ODF1: variants seen among roughly 807,000 people sequenced by gnomAD.
ODF1 encodes the protein outer dense fiber protein 1.
In ODF1, 10 loss-of-function variants were observed where a neutral mutation model predicts 24.0. The ratio of observed to expected loss-of-function variants is 0.42; its 90% CI spans 0.26 to 0.71. The LOEUF is 0.71. ODF1 is among the 30% of genes least tolerant of loss of function. The pLI is 0.28. For synonymous variants in ODF1, 118 were observed against 121.3 expected, an observed-to-expected ratio of 0.97 and a Z score of 0.18; for missense variants, 282 against 307.9, an observed-to-expected ratio of 0.92 and a Z score of 0.63.
At chr8:102,558,422 C>T (rs936193234) in intron 1 of ODF1, among the ~76,000 whole-genome samples, 1 of 152,046 alleles carries the variant, frequency 6.6e-6, no homozygotes, top group Non-Finnish European at 1.5e-5. Flanking sequence ...TCACTGCACT[C>T]CAGCCTGGGC....
intron 1 of ODF1, among the ~76,000 whole-genome samples, chr8:102,557,291 G>A (rs996765911): frequency 1.3e-5 from 2 of 152,224 alleles, no homozygotes. Flanking sequence ...GACATCACCA[G>A]GCAGGAGTCA....
chr8:102,556,054 GATTA>G (rs1826107142), intron 1 of ODF1, among the ~76,000 whole-genome samples: 1 of 152,222 alleles, frequency 6.6e-6, no homozygotes, highest in Non-Finnish European at 1.5e-5. Flanking sequence ...GGTGCAGCTT[GATTA>G]AGAAGACATA....
At position 102,551,716 on chromosome 8, in the gene ODF1, G is replaced by A; in HGVS notation, c.-12G>A. On this transcript the variant is annotated 5_prime_UTR_variant, in exon 1 of 2. Transcript: ENST00000285402. ...CCCAAAGGTACTCACAGAACAATCA[G>A]GTGTGACCATAATGGCTGCACTGAG... 1 of 1,572,750 alleles carries A rather than the reference G, an allele frequency of 6.4e-7. No homozygotes were observed. The highest frequency in any genetic ancestry group is 1.7e-4 in the Middle Eastern group (1 of 5,904).
intron 1 of ODF1, among the ~76,000 whole-genome samples, chr8:102,556,017 A>T (rs1006876250): frequency 2.6e-4 from 40 of 152,248 alleles, no homozygotes; most frequent in Admixed American, 2.6e-3. Flanking sequence ...GCTTCAGATT[A>T]GGGCAAGTCC....
At position 102,560,740 on chromosome 8, in the gene ODF1, C is replaced by T. The variant is rs1465994707; in HGVS notation, c.609C>T (p.Tyr203=). ...GSCVKIESPC[Y]PCTSPCSPCS... ...GTGTCAAGATCGAGTCTCCTTGCTACCCTTGCACTTCTCCTTGCAGCCCCT... is the reference window on the plus strand; with the variant it reads ...GTGTCAAGATCGAGTCTCCTTGCTATCCTTGCACTTCTCCTTGCAGCCCCT... Residue 203 remains tyrosine (Y), a synonymous_variant, in exon 2 of 2, where the codon TAC becomes TAT. Transcript: ENST00000285402. 2 of 1,613,990 alleles carry T rather than the reference C, an allele frequency of 1.2e-6. No individual in the cohort carries two copies. Among genetic ancestry groups the T allele is most frequent in the African/African-American group, 1.3e-5 (1 of 74,916 alleles).
In ODF1 at chr8:102,551,770, A is replaced by G; in HGVS notation, c.43A>G (p.Ile15Val). The G allele has an allele frequency of 1.9e-6, 3 of 1,613,192 alleles. No homozygotes were observed. Among genetic ancestry groups the G allele is most frequent in the Non-Finnish European group, 2.5e-6 (3 of 1,179,364 alleles). The part of the protein sequence containing the change: ...SCLLDSVRRD[I>V]KKVDRELRQL... ...TCTCTTGGACAGTGTCAGAAGGGAC[A>G]TAAAGAAGGTGGACAGAGAACTAAG... The change falls in exon 1 of 2, where the codon ATA (isoleucine) becomes GTA (valine). Residue 15 changes from isoleucine to valine, a missense_variant. By Grantham distance (29) the Ile-to-Val change is conservative. Coordinates refer to ENST00000285402, the MANE Select transcript of ODF1 (RefSeq NM_024410.4).
At chr8:102,556,798 A>G (rs1826117098) in intron 1 of ODF1, among the ~76,000 whole-genome samples, 1 of 152,200 alleles carries the variant, frequency 6.6e-6, no homozygotes, top group Admixed American at 6.5e-5. Context: ...TGTGTTGGAA[A>G]GAGAGGGATT....
chr8:102,552,435 G>A (rs919334742), intron 1 of ODF1, among the ~76,000 whole-genome samples: 1 of 152,102 alleles, frequency 6.6e-6, no homozygotes, highest in Non-Finnish European at 1.5e-5. Context: ...AATGACTACA[G>A]GAGAAGTAAT....
In ODF1 at chr8:102,552,192, A is replaced by C. The variant is rs1332705271; in HGVS notation, c.320+145A>C. 19 of 597,930 alleles carry C rather than the reference A, an allele frequency of 3.2e-5. No homozygotes were observed. In the East Asian group the frequency reaches 5.4e-4, roughly 17 times the overall value. The allele number at this position is 597,930 out of a possible 1,614,324, so 37.0% of individuals were successfully genotyped here. A position where few individuals can be genotyped will look rare whatever the true frequency, so the allele number is the denominator to read the frequency against. ...CTGGTGACTTAGGAAAGATTTAAGGAAAGAAGAGTAAATGAGTCCATGATG... is the reference window on the plus strand; with the variant it reads ...CTGGTGACTTAGGAAAGATTTAAGGCAAGAAGAGTAAATGAGTCCATGATG... On this transcript the variant is annotated intron_variant, in intron 1 of 1. Transcript: ENST00000285402.
chr8:102,560,395 G>A (rs1587812632), intron 1 of ODF1, 57 bp from the exon 2 acceptor site: 3 of 1,500,316 alleles, frequency 2.0e-6, no homozygotes, highest in South Asian at 2.4e-5. Flanking sequence ...TTCTCAAGCT[G>A]TGTCTGGATT....
chr8:102,555,350 G>A (rs1826100103), intron 1 of ODF1, among the ~76,000 whole-genome samples: 1 of 152,160 alleles, frequency 6.6e-6, no homozygotes. Flanking sequence ...GGTGCCCCAT[G>A]TGGCCAGGAC....
At position 102,553,204 on chromosome 8, in the gene ODF1, T is replaced by TA. The variant is rs1315579134; in HGVS notation, c.320+1158dup. Among the ~76,000 whole-genome samples, 170 of 65,624 alleles carry TA rather than the reference T, an allele frequency of 2.6e-3. 7 individuals carry two copies. The highest frequency in any genetic ancestry group is 4.3e-3 in the Admixed American group (31 of 7,152). The allele number at this position is 65,624 out of a possible 152,430, so 43.1% of individuals were successfully genotyped here. A position where few individuals can be genotyped will look rare whatever the true frequency, so the allele number is the denominator to read the frequency against. ...ATGGTGAAACCCCATCTCTACTAAA[T>TA]ACAAAAAAAAAAAAAAAAAAAAATT... On this transcript the variant is annotated intron_variant, in intron 1 of 1. Coordinates refer to ENST00000285402, the MANE Select transcript of ODF1 (RefSeq NM_024410.4).
At position 102,551,841 on chromosome 8, in the gene ODF1, C is replaced by T. The variant is rs1826044854; in HGVS notation, c.114C>T (p.Asp38=). 2 of 1,614,162 alleles carry T rather than the reference C, an allele frequency of 1.2e-6. No homozygotes were observed. The highest frequency in any genetic ancestry group is 1.7e-6 in the Non-Finnish European group (2 of 1,180,040). The change falls in exon 1 of 2, where the codon GAC becomes GAT. Residue 38 remains aspartate (D), a synonymous_variant. Transcript: ENST00000285402. ...IDEFSTRCLC[D]LYMHPYCCCD... Reference sequence around the variant, plus strand: ...AATTTAGCACACGGTGCCTGTGCGACTTGTATATGCACCCCTATTGCTGCT... The same window carrying T: ...AATTTAGCACACGGTGCCTGTGCGATTTGTATATGCACCCCTATTGCTGCT...
At chr8:102,553,013 T>C (rs1826063761) in intron 1 of ODF1, among the ~76,000 whole-genome samples, 1 of 134,708 alleles carries the variant, frequency 7.4e-6, no homozygotes, top group South Asian at 2.8e-4. Flanking sequence ...GATAGATAGA[T>C]AGATGATAGA....
At chr8:102,558,263 A>G (rs1166907119) in intron 1 of ODF1, among the ~76,000 whole-genome samples, 2 of 152,152 alleles carry the variant, frequency 1.3e-5, no homozygotes, top group African/African-American at 4.8e-5. Flanking sequence ...CATCCTGGCT[A>G]ACACGGTGAA....
intron 1 of ODF1, among the ~76,000 whole-genome samples, chr8:102,552,415 G>C (rs1432559302): frequency 6.6e-6 from 1 of 152,064 alleles, no homozygotes; most frequent in Non-Finnish European, 1.5e-5. Flanking sequence ...AGTATATTTG[G>C]ACTTACAGAA....
intron 1 of ODF1, among the ~76,000 whole-genome samples, chr8:102,555,480 G>A (rs976811432): frequency 3.3e-5 from 5 of 152,116 alleles, no homozygotes; most frequent in Admixed American, 2.6e-4. Flanking sequence ...TTGTTGGCAC[G>A]AATCTCAGTG....
At chr8:102,552,148 A>G in intron 1 of ODF1, 101 bp downstream of exon 1, 3 of 829,446 alleles carry the variant, frequency 3.6e-6, no homozygotes, top group Admixed American at 5.9e-5. Flanking sequence ...AAAGATTAAA[A>G]GGGTTCAGGA....
chr8:102,557,203 T>C (rs1826122802), intron 1 of ODF1, among the ~76,000 whole-genome samples: 2 of 152,116 alleles, frequency 1.3e-5, no homozygotes, highest in African/African-American at 2.4e-5. Flanking sequence ...TTCGCCCCCA[T>C]GATAACAAGT....
Sources: allele counts gnomAD v4.1 joint callset (sites outside exome capture counted in the v4.1 genomes callset), GRCh38; gene constraint gnomAD v4.1.1; transcripts MANE v1.5; gene names NCBI Gene and HGNC (gene_info 2026-07-23, HGNC 2026-07-21).